The following LRRC4C variants were observed in gnomAD, a reference collection of about 807,000 sequenced individuals.
LRRC4C encodes the protein leucine rich repeat containing 4C, also known as leucine-rich repeat-containing protein 4C.
A neutral mutation model predicts 33.6 loss-of-function variants in LRRC4C; 5 were observed. That is an observed-to-expected ratio of 0.15 (90% CI 0.08 to 0.31). LRRC4C has a LOEUF of 0.31. LRRC4C is among the 10% of genes least tolerant of loss of function. The probability of loss-of-function intolerance (pLI) is 1.00; values close to 1 mark genes in which losing one functional copy is unlikely to be tolerated. For missense variants in LRRC4C, 560 were observed against 796.7 expected, an observed-to-expected ratio of 0.70 and a Z score of 3.58; for synonymous variants, 329 against 302.0, an observed-to-expected ratio of 1.09 and a Z score of -0.93.
chr11:40,877,847 T>C (rs143302467), intron 2 of LRRC4C, among the ~76,000 whole-genome samples: 38 of 152,272 alleles, frequency 2.5e-4, no homozygotes, highest in African/African-American at 8.9e-4. Flanking sequence ...AGTTTTGAAG[T>C]TTTCATAGCT....
In LRRC4C at chr11:41,296,345, C is replaced by T. The variant is rs140348071; in HGVS notation, c.-496+163086G>A. On this transcript the variant is annotated intron_variant, in intron 1 of 6. Transcript: ENST00000528697. ...TTTTTTTTCTTTTGAGACCAAGTCT[C>T]GCTCTGTTGCCCAGCCTGGAGTGCA... 3.6e-3 allele frequency among the ~76,000 whole-genome samples: 552 copies of T among 151,522 alleles called. 1 individual carries two copies. The highest frequency in any genetic ancestry group is 5.7e-3 in the Non-Finnish European group (384 of 67,918).
chr11:40,827,480 A>G (rs1436987787), intron 2 of LRRC4C, among the ~76,000 whole-genome samples: 1 of 151,922 alleles, frequency 6.6e-6, no homozygotes, highest in East Asian at 1.9e-4. Flanking sequence ...AGCAAAGACA[A>G]GAATCTTTGC....
intron 1 of LRRC4C, among the ~76,000 whole-genome samples, chr11:41,364,103 A>G (rs1490073779): frequency 6.6e-6 from 1 of 152,148 alleles, no homozygotes; most frequent in Non-Finnish European, 1.5e-5. Flanking sequence ...ATGACCTTCT[A>G]GAATTCTGTC....
At chr11:40,620,350 C>T (rs756111491) in intron 3 of LRRC4C, among the ~76,000 whole-genome samples, 2 of 151,688 alleles carry the variant, frequency 1.3e-5, no homozygotes, top group Non-Finnish European at 3.0e-5. Flanking sequence ...GAGTCTTGGG[C>T]TCTCTTATGC....
chr11:41,186,943 C>T (rs1945719014), intron 1 of LRRC4C, among the ~76,000 whole-genome samples: 1 of 152,162 alleles, frequency 6.6e-6, no homozygotes, highest in Admixed American at 6.5e-5. Flanking sequence ...TCTGATAAAT[C>T]AAACAGATAA....
At chr11:40,936,083 A>T in intron 1 of LRRC4C, among the ~76,000 whole-genome samples, 1 of 122,948 alleles carries the variant, frequency 8.1e-6, no homozygotes, top group Non-Finnish European at 1.7e-5. Context: ...TTTGAACCTT[A>T]ACTCTGTCCT....
chr11:40,419,112 T>G lies in LRRC4C; in HGVS notation c.-269-99391A>C, dbSNP rs142966516. ...TGTAACAAACCTGCACATCCTGCAC[T>G]TGTACCCTGGAACTTAAAATAAAAA... is the stretch of plus-strand genomic sequence containing the variant. On this transcript the variant is annotated intron_variant, in intron 3 of 6. Coordinates refer to ENST00000528697, the MANE Select transcript of LRRC4C (RefSeq NM_001258419.2). Among the ~76,000 whole-genome samples, 38 of 151,954 alleles carry G rather than the reference T, an allele frequency of 2.5e-4. No homozygotes were observed. In the East Asian group the frequency reaches 6.8e-3, roughly 27 times the overall value.
chr11:41,039,527 T>A (rs1857294781), intron 1 of LRRC4C, among the ~76,000 whole-genome samples: 1 of 152,184 alleles, frequency 6.6e-6, no homozygotes, highest in Non-Finnish European at 1.5e-5. Flanking sequence ...AATAATGAAC[T>A]CTTGGCCTAC....
chr11:41,437,448 A>T (rs1319722226), intron 1 of LRRC4C, among the ~76,000 whole-genome samples: 1 of 104,474 alleles, frequency 9.6e-6, no homozygotes, highest in Non-Finnish European at 2.1e-5. Context: ...CACACACACC[A>T]GTTGCAGGAA....
At chr11:40,417,073 G>T (rs1024130875) in intron 3 of LRRC4C, among the ~76,000 whole-genome samples, 1 of 152,154 alleles carries the variant, frequency 6.6e-6, no homozygotes, top group Non-Finnish European at 1.5e-5. Flanking sequence ...AAGCAGCATG[G>T]TTTAGTTAAA....
chr11:40,897,430 G>T (rs1210317341), intron 2 of LRRC4C, among the ~76,000 whole-genome samples: 2 of 152,020 alleles, frequency 1.3e-5, no homozygotes, highest in African/African-American at 4.8e-5. Flanking sequence ...TAAATTAATG[G>T]CTCTGCCCAT....
intron 2 of LRRC4C, among the ~76,000 whole-genome samples, chr11:40,909,542 G>A (rs989496814): frequency 2.0e-5 from 3 of 152,054 alleles, no homozygotes; most frequent in African/African-American, 7.2e-5. Context: ...TATATTCACA[G>A]ATAATTTCAT....
chr11:41,347,682 G>T (rs1951846552), intron 1 of LRRC4C, among the ~76,000 whole-genome samples: 1 of 152,160 alleles, frequency 6.6e-6, no homozygotes, highest in Non-Finnish European at 1.5e-5. Flanking sequence ...GTTACATAAA[G>T]ATGTTGATAA....
At chr11:40,383,707 T>A (rs934445703) in intron 3 of LRRC4C, among the ~76,000 whole-genome samples, 3 of 151,784 alleles carry the variant, frequency 2.0e-5, no homozygotes, top group Admixed American at 2.0e-4. Flanking sequence ...TTTATTTTTT[T>A]AATACAAGAT....
At chr11:40,472,151 A>G (rs900389677) in intron 3 of LRRC4C, among the ~76,000 whole-genome samples, 1 of 151,858 alleles carries the variant, frequency 6.6e-6, no homozygotes, top group Non-Finnish European at 1.5e-5. Context: ...GTGGTTGCGC[A>G]TGCCTGTAGT....
chr11:40,594,074 TCAAA>T (rs1178037794), intron 3 of LRRC4C, among the ~76,000 whole-genome samples: 3 of 152,202 alleles, frequency 2.0e-5, no homozygotes, highest in African/African-American at 7.2e-5. Flanking sequence ...TGCTTTGTTT[TCAAA>T]CAAAGCCTCT....
At chr11:41,024,929 T>C (rs1856237827) in intron 1 of LRRC4C, among the ~76,000 whole-genome samples, 1 of 151,672 alleles carries the variant, frequency 6.6e-6, no homozygotes, top group Admixed American at 6.6e-5. Context: ...TTTTTCATTG[T>C]TATTATATCT....
chr11:40,170,329 G>T lies in LRRC4C; in HGVS notation c.-95-29476C>A, dbSNP rs1565084064. ...CTATGCTCCCGTGGTAAACAAAAAG[G>T]CAGAGAACCTTGTGCATCCAAGGAG... On this transcript the variant is annotated intron_variant, in intron 5 of 6. Coordinates refer to ENST00000528697, the MANE Select transcript of LRRC4C (RefSeq NM_001258419.2). Among the ~76,000 whole-genome samples the T allele has an allele frequency of 2.0e-5, 3 of 152,168 alleles. 1 individual carries two copies. In the East Asian group the frequency reaches 5.8e-4, roughly 29 times the overall value.
intron 1 of LRRC4C, among the ~76,000 whole-genome samples, chr11:41,027,122 T>A (rs961236481): frequency 6.6e-6 from 1 of 151,624 alleles, no homozygotes; most frequent in Admixed American, 6.6e-5. Context: ...ATAACCTAGA[T>A]CACAGGGGAT....
Sources: gnomAD v4.1 joint callset for allele counts (sites outside exome capture counted in the v4.1 genomes callset) on GRCh38, gnomAD v4.1.1 for gene constraint, MANE v1.5 for transcripts, NCBI Gene and HGNC (gene_info 2026-07-23, HGNC 2026-07-21) for gene names.